Variants in LAMA3 observed in about 807,000 individuals in gnomAD.
LAMA3 encodes laminin subunit alpha 3.
LAMA3 carries 281 observed loss-of-function variants against 402.0 expected under a neutral mutation model. The ratio of observed to expected loss-of-function variants is 0.70; its 90% confidence interval spans 0.63 to 0.77. The LOEUF (loss-of-function observed/expected upper bound fraction) is 0.77. LAMA3 is among the 30% of genes least tolerant of loss of function. LAMA3 has a pLI of 0.00. For synonymous variants in LAMA3, 1,431 were observed against 1,558.4 expected (o/e 0.92, Z 1.93); for missense variants, 3,840 against 4,215.5 (o/e 0.91, Z 2.47).
In LAMA3 at chr18:23,816,452, G is replaced by T. The variant is rs1568214805; in HGVS notation, c.2112G>T (p.Gln704His). The T allele has an allele frequency of 6.2e-7, 1 of 1,614,130 alleles. No individual in the cohort carries two copies. The highest frequency in any genetic ancestry group is 8.5e-7 in the Non-Finnish European group (1 of 1,179,992). Residue 704 changes from glutamine to histidine, a missense_variant, in exon 18 of 75, where the codon CAG (glutamine) becomes CAT (histidine). Coordinates refer to ENST00000313654, the MANE Select transcript of LAMA3 (RefSeq NM_198129.4). ...SMCSGPSGVCQCREHVVGKVC... is the reference protein window; with the variant it reads ...SMCSGPSGVCHCREHVVGKVC... ...GCAGTGGGCCCTCGGGAGTGTGCCA[G>T]TGCCGAGAGCATGTCGTGGGAAAGG... is the stretch of plus-strand genomic sequence containing the variant.
chr18:23,756,566 T>C (rs1216994114), intron 6 of LAMA3, among the ~76,000 whole-genome samples: 3 of 151,888 alleles, frequency 2.0e-5, no homozygotes, highest in Non-Finnish European at 2.9e-5. Context: ...TTGGTTTAGA[T>C]TTAGTCTCTG....
chr18:23,950,558 A>G (rs114528289), intron 72 of LAMA3, among the ~76,000 whole-genome samples: 346 of 152,272 alleles, frequency 2.3e-3, no homozygotes, highest in African/African-American at 7.7e-3. Flanking sequence ...TCATTTTTCC[A>G]TCACTCACAG....
rs147982510 is a variant in LAMA3, at chr18:23,770,242, A to G, written c.1183-3255A>G. On this transcript the variant is annotated intron_variant, in intron 8 of 74. Transcript: ENST00000313654. The stretch of plus-strand genomic sequence containing the variant: ...AATTGACAATTTAGATTTTATCAAA[A>G]TTAAAAACTTCTGCTCAAAACAAAA... Among the ~76,000 whole-genome samples, 8 of 152,322 alleles carry G rather than the reference A, an allele frequency of 5.3e-5. No homozygotes were observed. The East Asian group carries it at 9.6e-4, about 18-fold the overall frequency.
chr18:23,760,541 C>T (rs1394696030), intron 7 of LAMA3, among the ~76,000 whole-genome samples: 1 of 151,862 alleles, frequency 6.6e-6, no homozygotes, highest in Non-Finnish European at 1.5e-5. Context: ...ATATAGTCTG[C>T]CTAAGAAAGA....
chr18:23,932,440 A>G, intron 66 of LAMA3, 149 bp downstream of exon 66: 1 of 839,094 alleles, frequency 1.2e-6, no homozygotes, highest in South Asian at 1.6e-5. Context: ...ATCTTTGGCA[A>G]GATACACCCA....
chr18:23,951,201 G>A (rs541355861), intron 72 of LAMA3, among the ~76,000 whole-genome samples: 36 of 152,308 alleles, frequency 2.4e-4, no homozygotes, highest in South Asian at 8.3e-4. Context: ...CTCCCGATGC[G>A]TGCCCAGAGC....
chr18:23,747,285 T>C (rs1280200277), intron 2 of LAMA3, among the ~76,000 whole-genome samples: 1 of 152,124 alleles, frequency 6.6e-6, no homozygotes, highest in South Asian at 2.1e-4. Flanking sequence ...TGAGGCACCA[T>C]GGAGTTGAAG....
At chr18:23,760,866 T>G (rs966558436) in intron 7 of LAMA3, among the ~76,000 whole-genome samples, 1 of 152,138 alleles carries the variant, frequency 6.6e-6, no homozygotes, top group Admixed American at 6.5e-5. Flanking sequence ...TAGATGCCAC[T>G]TTCTTGCTGT....
Position 23,839,957 on chromosome 18 carries a change from T to C in LAMA3, c.3336+28T>C, listed in dbSNP as rs778510202. 10 of 1,612,656 alleles carry C rather than the reference T, an allele frequency of 6.2e-6. No homozygotes were observed. In the South Asian group the frequency reaches 9.9e-5, roughly 16 times the overall value. On this transcript the variant is annotated intron_variant, in intron 27 of 74. Coordinates refer to ENST00000313654, the MANE Select transcript of LAMA3 (RefSeq NM_198129.4). This position sits in a 1 kb window ranked among gnomAD's most constrained non-coding sequence, Gnocchi z 4.5. ...AGTGTGCTGTTTCTAAACCAGTGGT[T>C]CTCAAAGTATGACCTCTGAAGCAGC...
chr18:23,822,978 G>T (rs373314493), intron 20 of LAMA3, among the ~76,000 whole-genome samples: 2 of 152,194 alleles, frequency 1.3e-5, no homozygotes, highest in African/African-American at 4.8e-5. Context: ...GCTTCTACCT[G>T]TCCTGGAAAC....
intron 29 of LAMA3, 48 bp downstream of exon 29, chr18:23,842,798 T>A: frequency 6.2e-7 from 1 of 1,610,902 alleles, no homozygotes; most frequent in Non-Finnish European, 8.5e-7. Context: ...CCTGCCTGGC[T>A]GGCCATTCTG....
At chr18:23,755,010 G>T (rs979878619) in intron 6 of LAMA3, among the ~76,000 whole-genome samples, 3 of 152,280 alleles carry the variant, frequency 2.0e-5, no homozygotes, top group Admixed American at 6.5e-5. Context: ...CCCCTTCAAG[G>T]ATTCGGCAGT....
At chr18:23,914,252 C>T (rs1277933971) in intron 56 of LAMA3, among the ~76,000 whole-genome samples, 158 bp from the exon 57 acceptor site, 1 of 152,188 alleles carries the variant, frequency 6.6e-6, no homozygotes, top group East Asian at 1.9e-4. Context: ...ATTCTGCATT[C>T]TATATTATTC....
chr18:23,700,292 G>A (rs184599510), intron 1 of LAMA3, among the ~76,000 whole-genome samples: 108 of 152,174 alleles, frequency 7.1e-4, no homozygotes, highest in African/African-American at 2.4e-3. Flanking sequence ...CCTGGATTGG[G>A]CCCCCTTTCC....
At chr18:23,841,391 T>C (rs1165937768) in intron 27 of LAMA3, among the ~76,000 whole-genome samples, 3 of 152,134 alleles carry the variant, frequency 2.0e-5, no homozygotes, top group African/African-American at 7.2e-5. Flanking sequence ...GAGGGTGGGC[T>C]CCAGCTTTTA....
chr18:23,921,737 A>G (rs2081847491), intron 62 of LAMA3, 152 bp downstream of exon 62: 2 of 761,782 alleles, frequency 2.6e-6, no homozygotes, highest in Non-Finnish European at 4.4e-6. Context: ...ACAGAATAAA[A>G]CAGATTTAAA....
chr18:23,856,094 C>CGT (rs1319461258), intron 32 of LAMA3, among the ~76,000 whole-genome samples: 1 of 152,212 alleles, frequency 6.6e-6, no homozygotes, highest in Non-Finnish European at 1.5e-5. Flanking sequence ...TCCATTTTTA[C>CGT]AGATGAAGAA....
Position 23,904,629 on chromosome 18 carries a change from A to C in LAMA3, c.6550A>C (p.Asn2184His). 1.2e-6 allele frequency: 2 copies of C among 1,613,862 alleles called. No homozygotes were observed. The highest frequency in any genetic ancestry group is 2.2e-5 in the South Asian group (2 of 90,998). The change falls in exon 51 of 75, where the codon AAT becomes CAT. Residue 2184 changes from asparagine to histidine, a missense_variant. Physicochemically the swap from Asn to His is moderately conservative, Grantham distance 68. Coordinates refer to ENST00000313654, the MANE Select transcript of LAMA3 (RefSeq NM_198129.4). ...DAATAYENIL[N>H]AIKAAEDAAN... The stretch of plus-strand genomic sequence containing the variant: ...CGCCACCGCCTACGAGAACATCCTC[A>C]ATGCCATCAAAGCGGCCGAGGACGC...
At chr18:23,834,745 T>G (rs1329076485) in intron 24 of LAMA3, 1 of 152,250 alleles carries the variant, frequency 6.6e-6, no homozygotes, top group Non-Finnish European at 1.5e-5. Context: ...TACTACTACT[T>G]TCATGTTGCT....
Sources: gnomAD v4.1 joint callset for allele counts (sites outside exome capture counted in the v4.1 genomes callset) on GRCh38, gnomAD v4.1.1 for gene constraint, Gnocchi (gnomAD v3.1) non-coding constraint, MANE v1.5 for transcripts, NCBI Gene and HGNC (gene_info 2026-07-23, HGNC 2026-07-21) for gene names.